ERC2: variants seen among roughly 807,000 people sequenced by gnomAD.
ERC2 encodes ELKS/RAB6-interacting/CAST family member 2, also known as ERC protein 2.
ERC2 carries 42 observed loss-of-function variants against 114.8 expected under a neutral mutation model. The observed-to-expected ratio is 0.37, with a 90% CI of 0.29 to 0.47. ERC2 has a LOEUF of 0.47. ERC2 is among the 20% of genes least tolerant of loss of function. ERC2 has a pLI of 0.99. For missense variants in ERC2, 939 were observed against 1,150.7 expected, an observed-to-expected ratio of 0.82 and a Z score of 2.66; for synonymous variants, 454 against 425.5, an observed-to-expected ratio of 1.07 and a Z score of -0.82.
intron 7 of ERC2, among the ~76,000 whole-genome samples, chr3:56,078,099 G>A (rs551310930): frequency 5.3e-5 from 8 of 152,200 alleles, no homozygotes; most frequent in East Asian, 3.9e-4. Flanking sequence ...TTATTCCCAC[G>A]TATCCTAGAC....
At chr3:56,360,061 CTT>C (rs5849149) in intron 2 of ERC2, among the ~76,000 whole-genome samples, 19 of 99,146 alleles carry the variant, frequency 1.9e-4, no homozygotes, top group African/African-American at 6.0e-4. Context: ...TAACAAAAAT[CTT>C]TTTTTTTTTT....
chr3:55,982,161 G>A (rs962404182), intron 12 of ERC2, among the ~76,000 whole-genome samples: 6 of 152,164 alleles, frequency 3.9e-5, no homozygotes, highest in African/African-American at 9.7e-5. Context: ...TTTCCCCAAA[G>A]TGCTTCATGG....
intron 12 of ERC2, among the ~76,000 whole-genome samples, chr3:55,957,042 C>G (rs2068007909): frequency 6.6e-6 from 1 of 152,122 alleles, no homozygotes; most frequent in African/African-American, 2.4e-5. Flanking sequence ...ACCAGGCCAG[C>G]AGGACACACC....
At chr3:55,780,488 C>CA (rs2068952648) in intron 14 of ERC2, among the ~76,000 whole-genome samples, 1 of 151,828 alleles carries the variant, frequency 6.6e-6, no homozygotes, top group Admixed American at 6.6e-5. Context: ...ATAGACATAA[C>CA]AAAAAATTAT....
chr3:56,301,082 C>T (rs1262816539), intron 2 of ERC2, among the ~76,000 whole-genome samples: 1 of 152,128 alleles, frequency 6.6e-6, no homozygotes, highest in Admixed American at 6.5e-5. Flanking sequence ...GACCCCATAT[C>T]TATTTAAAAA....
chr3:55,863,188 T>C (rs1004407106), intron 14 of ERC2, among the ~76,000 whole-genome samples: 7 of 152,172 alleles, frequency 4.6e-5, no homozygotes, highest in East Asian at 1.9e-4. Flanking sequence ...CTGCACTGTA[T>C]GGCATGGTCT....
chr3:56,189,286 C>T (rs771058432), intron 3 of ERC2, among the ~76,000 whole-genome samples: 14 of 152,328 alleles, frequency 9.2e-5, no homozygotes, highest in South Asian at 4.1e-4. Context: ...TTCTTCTTTA[C>T]GTGAGATACC....
chr3:56,306,718 T>C (rs1303950544), intron 2 of ERC2, among the ~76,000 whole-genome samples: 2 of 152,158 alleles, frequency 1.3e-5, no homozygotes, highest in African/African-American at 2.4e-5. Context: ...TAGAATAATC[T>C]CCTTGGATGA....
chr3:55,562,020 G>A (rs2056058367), intron 17 of ERC2, among the ~76,000 whole-genome samples: 2 of 152,174 alleles, frequency 1.3e-5, no homozygotes, highest in South Asian at 4.1e-4. Flanking sequence ...CCCACCTAAA[G>A]GAGTGGAAAG....
chr3:56,032,985 A>AAC (rs1560057514), intron 7 of ERC2, among the ~76,000 whole-genome samples: 3 of 82,600 alleles, frequency 3.6e-5, no homozygotes, highest in African/African-American at 1.1e-4. Context: ...AAGAGAAAGA[A>AAC]AGAAAGAAAG....
intron 17 of ERC2, among the ~76,000 whole-genome samples, chr3:55,580,994 T>C (rs1473378545): frequency 6.6e-6 from 1 of 152,162 alleles, no homozygotes; most frequent in Non-Finnish European, 1.5e-5. Context: ...GCCAAGTAGT[T>C]ATCTGAGGGA....
chr3:55,858,502 T>C (rs531131537), intron 14 of ERC2, among the ~76,000 whole-genome samples: 1 of 152,346 alleles, frequency 6.6e-6, no homozygotes, highest in African/African-American at 2.4e-5. Flanking sequence ...CTCTGATGCC[T>C]ATCACAAAAG....
intron 2 of ERC2, among the ~76,000 whole-genome samples, chr3:56,349,642 C>T (rs183711032): frequency 1.2e-4 from 19 of 152,336 alleles, no homozygotes; most frequent in African/African-American, 4.6e-4. Context: ...GCGCGTGGCT[C>T]ACGCCTGTAA....
At chr3:55,704,605 T>C (rs1272023164) in intron 15 of ERC2, among the ~76,000 whole-genome samples, 1 of 152,188 alleles carries the variant, frequency 6.6e-6, no homozygotes. Context: ...AAGAATGGGA[T>C]GGCTAGGAGA....
chr3:55,539,554 T>C (rs943149786), intron 17 of ERC2, among the ~76,000 whole-genome samples: 3 of 151,026 alleles, frequency 2.0e-5, no homozygotes, highest in Non-Finnish European at 4.4e-5. Flanking sequence ...TCCCGAGTAG[T>C]TGGGACTACA....
chr3:55,697,635 A>C (rs2148819350), intron 16 of ERC2, among the ~76,000 whole-genome samples: 1 of 152,204 alleles, frequency 6.6e-6, no homozygotes, highest in East Asian at 1.9e-4. Context: ...AGAACATATG[A>C]GCATATGTGT....
chr3:55,948,311 A>G (rs547342688), intron 13 of ERC2, among the ~76,000 whole-genome samples: 3 of 152,336 alleles, frequency 2.0e-5, no homozygotes, highest in Admixed American at 2.0e-4. Context: ...ATCAAAATTA[A>G]CAGGTGCCAA....
intron 14 of ERC2, among the ~76,000 whole-genome samples, chr3:55,837,236 C>A (rs1409739343): frequency 6.6e-6 from 1 of 152,176 alleles, no homozygotes; most frequent in East Asian, 1.9e-4. Context: ...CCATTTGATC[C>A]AGCCATCCCA....
At chr3:55,959,399 T>C (rs1468166721) in intron 12 of ERC2, among the ~76,000 whole-genome samples, 1 of 152,108 alleles carries the variant, frequency 6.6e-6, no homozygotes, top group African/African-American at 2.4e-5. Flanking sequence ...TGATAGAGCC[T>C]ATTCAGGAAG....
Sources: allele counts gnomAD v4.1 joint callset (sites outside exome capture counted in the v4.1 genomes callset), GRCh38; gene constraint gnomAD v4.1.1; transcripts MANE v1.5; gene names NCBI Gene and HGNC (gene_info 2026-07-23, HGNC 2026-07-21).